The following SSBP2 variants were observed in gnomAD, a reference collection of about 807,000 sequenced individuals.
The protein encoded by SSBP2 is single-stranded DNA-binding protein 2.
A neutral mutation model predicts 61.8 loss-of-function variants in SSBP2; 17 were observed. The observed-to-expected ratio is 0.28, with a 90% CI of 0.19 to 0.41. The LOEUF (loss-of-function observed/expected upper bound fraction) is 0.41, where lower values mean the gene tolerates loss of function less well. SSBP2 is among the 10% of genes least tolerant of loss of function. SSBP2 has a pLI of 1.00. For synonymous variants in SSBP2, 139 were observed against 141.3 expected, an observed-to-expected ratio of 0.98 and a Z score of 0.12; for missense variants, 310 against 458.7, an observed-to-expected ratio of 0.68 and a Z score of 2.96.
intron 16 of SSBP2, among the ~76,000 whole-genome samples, chr5:81,424,671 G>A (rs1412476524): frequency 6.6e-6 from 1 of 152,018 alleles, no homozygotes; most frequent in Non-Finnish European, 1.5e-5. Flanking sequence ...ATGAAATAAG[G>A]GGAAATAACA....
At chr5:81,471,989 A>C (rs1282009608) in intron 8 of SSBP2, among the ~76,000 whole-genome samples, 1 of 152,128 alleles carries the variant, frequency 6.6e-6, no homozygotes, top group African/African-American at 2.4e-5. Flanking sequence ...TCTAAGTCAT[A>C]TTATCTGGGT....
At chr5:81,587,657 G>A (rs1447578856) in intron 4 of SSBP2, among the ~76,000 whole-genome samples, 3 of 152,166 alleles carry the variant, frequency 2.0e-5, no homozygotes, top group Non-Finnish European at 4.4e-5. Context: ...CTGAGCCCAG[G>A]AGGTGGAGGT....
chr5:81,638,668 T>C (rs1748492888), intron 2 of SSBP2, among the ~76,000 whole-genome samples: 1 of 152,080 alleles, frequency 6.6e-6, no homozygotes, highest in African/African-American at 2.4e-5. Flanking sequence ...AAAATTCCAG[T>C]GATATTCTAT....
intron 4 of SSBP2, among the ~76,000 whole-genome samples, chr5:81,554,100 C>CGG (rs1187945950): frequency 6.6e-6 from 1 of 151,958 alleles, no homozygotes; most frequent in Non-Finnish European, 1.5e-5. Context: ...AAACAGATTC[C>CGG]GGTCTACATT....
intron 12 of SSBP2, 70 bp downstream of exon 12, chr5:81,446,798 G>T: frequency 1.4e-6 from 2 of 1,474,378 alleles, no homozygotes; most frequent in Non-Finnish European, 1.9e-6. Flanking sequence ...TTTATTTCAT[G>T]AACAATTTCT....
chr5:81,712,297 T>C (rs948384294), intron 1 of SSBP2, among the ~76,000 whole-genome samples: 1 of 151,876 alleles, frequency 6.6e-6, no homozygotes, highest in African/African-American at 2.4e-5. Context: ...GTTAAGAATA[T>C]GCCTTTGTCA....
rs368063702 is a variant in SSBP2, at chr5:81,431,581, A to G, written c.958-2898T>C. On this transcript the variant is annotated intron_variant, in intron 15 of 16. Coordinates refer to ENST00000320672, the MANE Select transcript of SSBP2 (RefSeq NM_012446.5). ...TCTGATTTCTTCTAGCAGGTATTACATATCTTCTTCTCTCTTTTTTTTTTT... is the reference window on the plus strand; with the variant it reads ...TCTGATTTCTTCTAGCAGGTATTACGTATCTTCTTCTCTCTTTTTTTTTTT... 3.3e-5 allele frequency among the ~76,000 whole-genome samples: 5 copies of G among 151,556 alleles called. No homozygotes were observed. In the East Asian group the frequency reaches 9.7e-4, roughly 29 times the overall value.
intron 9 of SSBP2, 39 bp downstream of exon 9, chr5:81,466,935 T>A (rs752400546): frequency 2.4e-6 from 3 of 1,228,670 alleles, no homozygotes; most frequent in Non-Finnish European, 3.5e-6. Flanking sequence ...TAAAATATCA[T>A]CCACGTAATA....
intron 4 of SSBP2, among the ~76,000 whole-genome samples, chr5:81,561,976 C>T (rs568760288): frequency 6.6e-6 from 1 of 152,184 alleles, no homozygotes; most frequent in East Asian, 1.9e-4. Flanking sequence ...ACAATCTTGG[C>T]TCACTGCAAC....
At chr5:81,701,846 A>G (rs1226289783) in intron 1 of SSBP2, among the ~76,000 whole-genome samples, 1 of 152,216 alleles carries the variant, frequency 6.6e-6, no homozygotes, top group East Asian at 1.9e-4. Flanking sequence ...GAAGAGATAT[A>G]AGTATGCACC....
At chr5:81,630,605 G>A (rs1351175398) in intron 3 of SSBP2, among the ~76,000 whole-genome samples, 1 of 152,004 alleles carries the variant, frequency 6.6e-6, no homozygotes, top group Non-Finnish European at 1.5e-5. Context: ...ATATTTATGT[G>A]CCCATTACTT....
At chr5:81,552,423 G>A (rs915364963) in intron 4 of SSBP2, among the ~76,000 whole-genome samples, 1 of 152,140 alleles carries the variant, frequency 6.6e-6, no homozygotes. Flanking sequence ...TGGATCACTT[G>A]AGGACAGGAG....
Position 81,596,064 on chromosome 5 carries a change from G to A in SSBP2, c.282+19409C>T, listed in dbSNP as rs374598832. Among the ~76,000 whole-genome samples, 20 of 152,242 alleles carry A rather than the reference G, an allele frequency of 1.3e-4. No individual in the cohort carries two copies. In the East Asian group the frequency reaches 2.1e-3, roughly 16 times the overall value. On this transcript the variant is annotated intron_variant, in intron 4 of 16. Transcript: ENST00000320672. ...AGTCAAATTGTCCCTGTTTGCAGAC[G>A]ACATGATTGTATATCTAGAAAACCC... is the stretch of plus-strand genomic sequence containing the variant.
intron 12 of SSBP2, among the ~76,000 whole-genome samples, chr5:81,445,062 GCAGCGAGCTGAGATTGTGC>G (rs1320004308): frequency 2.2e-4 from 33 of 147,274 alleles, no homozygotes; most frequent in African/African-American, 8.3e-4. Flanking sequence ...GGCTGAGCTT[GCAGCGAGCTGAGATTGTGC>G]CACTGCACTC....
intron 1 of SSBP2, among the ~76,000 whole-genome samples, chr5:81,653,263 CAA>C (rs994455657): frequency 3.3e-5 from 5 of 152,122 alleles, no homozygotes; most frequent in African/African-American, 1.2e-4. Context: ...CATGTCCCTG[CAA>C]AAGACATGAA....
intron 1 of SSBP2, among the ~76,000 whole-genome samples, chr5:81,666,936 G>A (rs1751184541): frequency 6.6e-6 from 1 of 152,152 alleles, no homozygotes; most frequent in African/African-American, 2.4e-5. Context: ...CTATTTCAAT[G>A]TTTTCACATA....
intron 4 of SSBP2, among the ~76,000 whole-genome samples, chr5:81,609,468 C>T (rs982435007): frequency 1.3e-5 from 2 of 152,228 alleles, no homozygotes; most frequent in Admixed American, 6.5e-5. Flanking sequence ...GTACACAGCT[C>T]GTATACCTTT....
chr5:81,706,439 A>T (rs988716057), intron 1 of SSBP2, among the ~76,000 whole-genome samples: 7 of 152,166 alleles, frequency 4.6e-5, no homozygotes, highest in African/African-American at 1.7e-4. Flanking sequence ...CACATAATAT[A>T]TCCATGCAAC....
At chr5:81,607,351 G>T (rs1744985906) in intron 4 of SSBP2, among the ~76,000 whole-genome samples, 1 of 152,178 alleles carries the variant, frequency 6.6e-6, no homozygotes, top group Non-Finnish European at 1.5e-5. Flanking sequence ...TTCAGAAATA[G>T]TATGCCTGAA....
Sources: gnomAD v4.1 joint callset for allele counts (sites outside exome capture counted in the v4.1 genomes callset) on GRCh38, gnomAD v4.1.1 for gene constraint, MANE v1.5 for transcripts, NCBI Gene and HGNC (gene_info 2026-07-23, HGNC 2026-07-21) for gene names.